Variants in FOCAD observed in about 807,000 individuals in gnomAD.
FOCAD encodes focadhesin, also known as KIAA1797.
In FOCAD, 198 loss-of-function variants were observed where a neutral mutation model predicts 225.6. The observed-to-expected ratio is 0.88, with a 90% CI of 0.78 to 0.99. The LOEUF (loss-of-function observed/expected upper bound fraction) is 0.99, where lower values mean the gene tolerates loss of function less well. Ranked by LOEUF, FOCAD falls within the 50% of genes least tolerant of loss-of-function variation. The pLI, the probability that FOCAD is intolerant of heterozygous loss-of-function variation, is 0.00. For missense variants in FOCAD, 2,713 were observed against 2,123.6 expected, an observed-to-expected ratio of 1.28 and a Z score of -5.46; for synonymous variants, 897 against 755.0, an observed-to-expected ratio of 1.19 and a Z score of -3.08.
At chr9:20,766,446 A>G (rs185738017) in intron 7 of FOCAD, among the ~76,000 whole-genome samples, 3 of 152,192 alleles carry the variant, frequency 2.0e-5, no homozygotes, top group Admixed American at 6.5e-5. Context: ...CTCATGGCTA[A>G]TTGAATATTT....
At chr9:20,783,277 T>C (rs1819582281) in intron 10 of FOCAD, among the ~76,000 whole-genome samples, 1 of 152,168 alleles carries the variant, frequency 6.6e-6, no homozygotes, top group Admixed American at 6.5e-5. Flanking sequence ...GAATTACTAT[T>C]AGGGCTGTAA....
At chr9:20,982,595 C>T (rs1289612313) in intron 39 of FOCAD, 149 bp downstream of exon 39, 3 of 647,932 alleles carry the variant, frequency 4.6e-6, no homozygotes, top group East Asian at 2.8e-5. Context: ...CATTGTTGAG[C>T]CTCTTGTTCA....
In FOCAD at chr9:20,946,765, C is replaced by G; in HGVS notation, c.3620C>G (p.Thr1207Arg). The G allele has an allele frequency of 6.2e-7, 1 of 1,613,864 alleles. No homozygotes were observed. Among genetic ancestry groups the G allele is most frequent in the Non-Finnish European group, 8.5e-7 (1 of 1,179,792 alleles). Residue 1207 changes from threonine to arginine, a missense_variant, in exon 30 of 44, where the codon ACA (threonine) becomes AGA (arginine). Transcript: ENST00000338382. ...SAFSAGIIEA[T>R]EAEDVMNKLR... ...TTCAGTGCTGGAATTATTGAGGCTA[C>G]AGAGGCTGAGGATGTTATGAACAAG... is the stretch of plus-strand genomic sequence containing the variant.
chr9:20,837,823 G>C (rs1393584763), intron 15 of FOCAD, among the ~76,000 whole-genome samples: 3 of 151,944 alleles, frequency 2.0e-5, no homozygotes, highest in African/African-American at 7.2e-5. Flanking sequence ...ATGTCCATAA[G>C]AACAAGACCA....
chr9:20,984,681 T>G (rs951449230), intron 39 of FOCAD, among the ~76,000 whole-genome samples: 1 of 152,210 alleles, frequency 6.6e-6, no homozygotes, highest in African/African-American at 2.4e-5. Flanking sequence ...GTGAAGAAAT[T>G]CCAGCCTCAT....
At chr9:20,834,859 A>G (rs1054472599) in intron 15 of FOCAD, among the ~76,000 whole-genome samples, 7 of 152,150 alleles carry the variant, frequency 4.6e-5, no homozygotes, top group African/African-American at 1.7e-4. Flanking sequence ...CTATACATAC[A>G]AACTATATAA....
intron 4 of FOCAD, among the ~76,000 whole-genome samples, chr9:20,739,948 T>C (rs1277742842): frequency 3.3e-5 from 5 of 152,178 alleles, no homozygotes; most frequent in African/African-American, 1.2e-4. Context: ...TGGTCACTGC[T>C]TGAAATTATG....
chr9:20,853,540 A>G (rs896610454), intron 15 of FOCAD, among the ~76,000 whole-genome samples: 2 of 151,766 alleles, frequency 1.3e-5, no homozygotes, highest in Non-Finnish European at 3.0e-5. Context: ...GGTTGTTAAT[A>G]TGAGAGTAGC....
At chr9:20,960,148 T>C (rs1349815934) in intron 35 of FOCAD, among the ~76,000 whole-genome samples, 10 of 152,184 alleles carry the variant, frequency 6.6e-5, no homozygotes. Context: ...ACTTTTTCAG[T>C]TTTTTCTGTG....
At chr9:20,721,890 T>C (rs1372671674) in intron 4 of FOCAD, among the ~76,000 whole-genome samples, 19 of 49,278 alleles carry the variant, frequency 3.9e-4, no homozygotes, top group African/African-American at 6.1e-4. Flanking sequence ...CTCCCCTTCC[T>C]CCCCCTCCCC....
In FOCAD at chr9:20,953,114, A is replaced by G. The variant is rs368267527; in HGVS notation, c.4132+49A>G. 43 of 1,478,006 alleles carry G rather than the reference A, an allele frequency of 2.9e-5. No individual in the cohort carries two copies. In the East Asian group the frequency reaches 4.1e-4, roughly 14 times the overall value. The allele number at this position is 1,478,006 out of a possible 1,614,324, so 91.6% of individuals were successfully genotyped here. On this transcript the variant is annotated intron_variant, in intron 35 of 43. Transcript: ENST00000338382. ...TTTATCATTCTATCTCCATGTTGTT[A>G]TAAGTAAATTTGTGTACCCTAAGCA...
At chr9:20,801,246 G>A (rs1183787094) in intron 11 of FOCAD, among the ~76,000 whole-genome samples, 2 of 152,100 alleles carry the variant, frequency 1.3e-5, no homozygotes, top group African/African-American at 2.4e-5. Flanking sequence ...AGTGAAAAGC[G>A]TTACATGGGA....
chr9:20,692,954 C>CT (rs938090782), intron 1 of FOCAD, among the ~76,000 whole-genome samples: 1 of 152,136 alleles, frequency 6.6e-6, no homozygotes, highest in African/African-American at 2.4e-5. Flanking sequence ...CTGTCCTGGC[C>CT]TTCTAATGGA....
chr9:20,771,339 A>C (rs1381777742), intron 8 of FOCAD, among the ~76,000 whole-genome samples: 1 of 152,140 alleles, frequency 6.6e-6, no homozygotes, highest in Non-Finnish European at 1.5e-5. Flanking sequence ...CTCATTTTTT[A>C]ATGTGTGGAA....
intron 24 of FOCAD, among the ~76,000 whole-genome samples, chr9:20,922,267 C>T (rs988941482): frequency 6.6e-6 from 1 of 152,106 alleles, no homozygotes; most frequent in African/African-American, 2.4e-5. Context: ...CCCATTTTCT[C>T]CTCCAACCCT....
intron 15 of FOCAD, among the ~76,000 whole-genome samples, chr9:20,834,597 A>G (rs1197182233): frequency 6.6e-6 from 1 of 152,144 alleles, no homozygotes; most frequent in African/African-American, 2.4e-5. Flanking sequence ...ATATCTTGAA[A>G]ACATGTTCAG....
chr9:20,844,250 C>T (rs1303017259), intron 15 of FOCAD, among the ~76,000 whole-genome samples: 2 of 151,756 alleles, frequency 1.3e-5, no homozygotes, highest in Non-Finnish European at 2.9e-5. Flanking sequence ...TTTATTTCTC[C>T]ACCTAAAATT....
intron 15 of FOCAD, among the ~76,000 whole-genome samples, chr9:20,827,863 A>G (rs554809331): frequency 1.4e-4 from 22 of 152,232 alleles, no homozygotes; most frequent in African/African-American, 3.8e-4. Flanking sequence ...TTATTTTGTT[A>G]AAGATTTTTA....
intron 1 of FOCAD, among the ~76,000 whole-genome samples, chr9:20,695,997 G>A (rs1190732764): frequency 6.6e-6 from 1 of 152,230 alleles, no homozygotes; most frequent in Non-Finnish European, 1.5e-5. Context: ...ATGGACAAAA[G>A]TAAATTGAGC....
Sources: allele counts gnomAD v4.1 joint callset (sites outside exome capture counted in the v4.1 genomes callset), GRCh38; gene constraint gnomAD v4.1.1; transcripts MANE v1.5; gene names NCBI Gene and HGNC (gene_info 2026-07-23, HGNC 2026-07-21).